Variants in TAS1R2 observed in about 807,000 individuals in gnomAD.
The protein encoded by TAS1R2 is taste 1 receptor member 2.
A neutral mutation model predicts 49.3 loss-of-function variants in TAS1R2; 47 were observed. The ratio of observed to expected loss-of-function variants is 0.95; its 90% confidence interval spans 0.75 to 1.22. The LOEUF is 1.22. Among genes scored for constraint, TAS1R2 ranks in the 50% most tolerant of loss-of-function variants. The probability of loss-of-function intolerance (pLI) is 0.00; values close to 1 mark genes in which losing one functional copy is unlikely to be tolerated. For synonymous variants in TAS1R2, 479 were observed against 467.9 expected (o/e 1.02, Z -0.31); for missense variants, 1,155 against 1,122.1 (o/e 1.03, Z -0.42).
exon 6 of TAS1R2, chr1:18,840,019 C>A (rs374616366): frequency 6.2e-7 from 1 of 1,613,252 alleles, no homozygotes; most frequent in Non-Finnish European, 8.5e-7. Context: ...GACTGAGGCC[C>A]GTGGCCAGCA....
chr1:18,854,843 C>T lies in TAS1R2; in HGVS notation c.627G>A (p.Leu209=), dbSNP rs138194413. Residue 209 remains leucine, a synonymous_variant, in exon 3 of 6, where the codon CTG becomes CTA. Coordinates refer to ENST00000375371, the Ensembl canonical transcript of TAS1R2. This position sits in a 1 kb window ranked among gnomAD's most constrained non-coding sequence, Gnocchi z 4.9. The stretch of plus-strand genomic sequence containing the variant: ...CGCGGCCATAGGTGTCGCTGCTCAC[C>T]AGCACAATGATCCAGTTCCAGCGGA... 3 of 1,609,816 alleles carry T rather than the reference C, an allele frequency of 1.9e-6. No individual in the cohort carries two copies. The highest frequency in any genetic ancestry group is 2.5e-6 in the Non-Finnish European group (3 of 1,179,752).
intron 1 of TAS1R2, 62 bp downstream of exon 1, chr1:18,859,417 G>A: frequency 1.3e-6 from 2 of 1,597,048 alleles, no homozygotes; most frequent in Non-Finnish European, 8.6e-7. Context: ...GGACCCACAG[G>A]ACCAGGCCTG....
At chr1:18,857,558 T>C in exon 2 of TAS1R2, 2 of 1,614,200 alleles carry the variant, frequency 1.2e-6, no homozygotes, top group African/African-American at 2.7e-5. Flanking sequence ...AGCAGGCTGC[T>C]GTCATTGTTG....
exon 6 of TAS1R2, chr1:18,839,945 C>A: frequency 1.9e-6 from 3 of 1,614,106 alleles, no homozygotes; most frequent in Non-Finnish European, 2.5e-6. Flanking sequence ...CAGGCTGTTG[C>A]GGTAGTTGGG....
At chr1:18,839,686 C>T in exon 6 of TAS1R2, 1 of 1,614,192 alleles carries the variant, frequency 6.2e-7, no homozygotes, top group Non-Finnish European at 8.5e-7. Context: ...TCATGTAGCA[C>T]TTGGGGCCGA....
At chr1:18,851,981 C>T (rs1435021397) in intron 3 of TAS1R2, among the ~76,000 whole-genome samples, 1 of 152,232 alleles carries the variant, frequency 6.6e-6, no homozygotes, top group Non-Finnish European at 1.5e-5. Flanking sequence ...ACTGAGAATT[C>T]ATGTAAAGAG....
exon 2 of TAS1R2, chr1:18,857,486 G>C (rs762154553): frequency 4.3e-6 from 7 of 1,614,190 alleles, no homozygotes; most frequent in African/African-American, 1.3e-5. Context: ...TAGAGCACCG[G>C]CTGGACATTG....
At chr1:18,859,385 TTGGTCCTGGTC>T in intron 1 of TAS1R2, 83 bp downstream of exon 1, 1 of 1,472,116 alleles carries the variant, frequency 6.8e-7, no homozygotes. Context: ...CTTTAAGCCC[TTGGTCCTGGTC>T]TGGCTCCCAA....
chr1:18,841,950 T>C, intron 4 of TAS1R2, 98 bp from the exon 5 acceptor site: 1 of 1,271,072 alleles, frequency 7.9e-7, no homozygotes, highest in Non-Finnish European at 1.0e-6. Flanking sequence ...GGAGGAAGCC[T>C]AGAAGCCCCC....
At chr1:18,848,190 A>G (rs1327906273) in intron 4 of TAS1R2, among the ~76,000 whole-genome samples, 1 of 152,162 alleles carries the variant, frequency 6.6e-6, no homozygotes, top group Non-Finnish European at 1.5e-5. Context: ...TATGCTGTAT[A>G]TAGAGAACCT....
chr1:18,841,986 A>T, intron 4 of TAS1R2, 134 bp from the exon 5 acceptor site: 1 of 901,164 alleles, frequency 1.1e-6, no homozygotes. Flanking sequence ...AAACTGTAGA[A>T]AAAAAAAAAA....
chr1:18,852,069 T>C (rs769303907), intron 3 of TAS1R2, among the ~76,000 whole-genome samples: 3 of 152,218 alleles, frequency 2.0e-5, no homozygotes, highest in Non-Finnish European at 4.4e-5. Flanking sequence ...GCCAGACCAG[T>C]GCTAGCAACT....
intron 4 of TAS1R2, among the ~76,000 whole-genome samples, chr1:18,843,391 G>C (rs1172043620): frequency 1.3e-5 from 2 of 152,168 alleles, no homozygotes; most frequent in Non-Finnish European, 2.9e-5. Flanking sequence ...GAGAATGCCA[G>C]GACATCCATT....
intron 4 of TAS1R2, among the ~76,000 whole-genome samples, chr1:18,847,906 C>A (rs1033164412): frequency 6.6e-6 from 1 of 152,220 alleles, no homozygotes; most frequent in African/African-American, 2.4e-5. Context: ...AAGCAAGTCA[C>A]GTCTTAAATG....
At chr1:18,845,754 AC>A (rs1162745397) in intron 4 of TAS1R2, among the ~76,000 whole-genome samples, 1 of 152,196 alleles carries the variant, frequency 6.6e-6, no homozygotes, top group Non-Finnish European at 1.5e-5. Flanking sequence ...ATCCCAGTGC[AC>A]CTGCGGGTGG....
At chr1:18,859,348 G>C (rs1569684721) in intron 1 of TAS1R2, 131 bp downstream of exon 1, 8 of 1,129,696 alleles carry the variant, frequency 7.1e-6, no homozygotes, top group Admixed American at 2.1e-5. Flanking sequence ...CCAGAATAAG[G>C]GGGTTGGCAA....
At chr1:18,841,817 T>C in exon 5 of TAS1R2, 1 of 1,613,128 alleles carries the variant, frequency 6.2e-7, no homozygotes, top group Non-Finnish European at 8.5e-7. Context: ...TCTTTTGCCC[T>C]GACTGGCACC....
chr1:18,857,937 T>G lies in TAS1R2; in HGVS notation c.183-306A>C, dbSNP rs541414806. On this transcript the variant is annotated intron_variant, in intron 1 of 5. Coordinates refer to ENST00000375371, the Ensembl canonical transcript of TAS1R2. ...GTGACCATCATTATCCACTAAGACTTCCATCACCACCATCACCACTATCAC... is the reference window on the plus strand; with the variant it reads ...GTGACCATCATTATCCACTAAGACTGCCATCACCACCATCACCACTATCAC... Among the ~76,000 whole-genome samples, 243 of 152,036 alleles carry G rather than the reference T, an allele frequency of 1.6e-3. 2 individuals carry two copies. Among genetic ancestry groups the G allele is most frequent in the African/African-American group, 5.6e-3 (234 of 41,428 alleles).
chr1:18,857,587 C>T lies in TAS1R2; in HGVS notation c.227G>A (p.Arg76His), dbSNP rs188569717. 2.2e-5 allele frequency: 35 copies of T among 1,614,082 alleles called. No homozygotes were observed. Among genetic ancestry groups the T allele is most frequent in the African/African-American group, 1.9e-4 (14 of 75,010 alleles). ...ATTGTTGATCTCCTCCACCGCAAAGCGCATGGCCTGCATGAGGTTGTAGCC... is the reference window on the plus strand; with the variant it reads ...ATTGTTGATCTCCTCCACCGCAAAGTGCATGGCCTGCATGAGGTTGTAGCC... Residue 76 changes from arginine to histidine, a missense_variant, in exon 2 of 6, where the codon CGC (arginine) becomes CAC (histidine). Physicochemically the swap from Arg to His is conservative, Grantham distance 29. Coordinates refer to ENST00000375371, the Ensembl canonical transcript of TAS1R2.
Sources: allele counts gnomAD v4.1 joint callset (sites outside exome capture counted in the v4.1 genomes callset), GRCh38; gene constraint gnomAD v4.1.1; non-coding constraint Gnocchi (gnomAD v3.1); transcripts MANE v1.5; gene names NCBI Gene and HGNC (gene_info 2026-07-23, HGNC 2026-07-21).